PCDHGA10: variants seen among roughly 807,000 people sequenced by gnomAD.
The protein encoded by PCDHGA10 is protocadherin gamma subfamily A, 10.
PCDHGA10 carries 42 observed loss-of-function variants against 59.5 expected under a neutral mutation model. The ratio of observed to expected loss-of-function variants is 0.71; its 90% CI spans 0.55 to 0.91. The LOEUF (loss-of-function observed/expected upper bound fraction) is 0.91. Ranked by LOEUF, PCDHGA10 falls within the 40% of genes least tolerant of loss-of-function variation. PCDHGA10 has a pLI of 0.00. For missense variants in PCDHGA10, 1,111 were observed against 1,198.2 expected (o/e 0.93, Z 1.07); for synonymous variants, 511 against 517.2 (o/e 0.99, Z 0.16).
intron 1 of PCDHGA10, chr5:141,419,582 T>A (rs1474193256): frequency 6.2e-7 from 1 of 1,611,894 alleles, no homozygotes. Context: ...CTCCGCGCTC[T>A]TCGACACAGT....
At chr5:141,479,936 T>C (rs532302710) in intron 1 of PCDHGA10, among the ~76,000 whole-genome samples, 97 of 152,340 alleles carry the variant, frequency 6.4e-4, no homozygotes, top group African/African-American at 2.2e-3. Flanking sequence ...ATCATTGCTA[T>C]CAACTCTTGG....
chr5:141,477,901 C>T lies in PCDHGA10; in HGVS notation c.2437-16906C>T, dbSNP rs2099423750. ...GCCACCTAGTGTCACGGGTGGTAGG[C>T]TGGGACGCGGATGCAGGGCACAATG... On this transcript the variant is annotated intron_variant, in intron 1 of 3. Transcript: ENST00000398610. The surrounding 1 kb of genome is among the most constrained non-coding windows in gnomAD (Gnocchi z 4.9). The T allele has an allele frequency of 1.9e-6, 3 of 1,614,188 alleles. No homozygotes were observed. The highest frequency in any genetic ancestry group is 2.5e-6 in the Non-Finnish European group (3 of 1,180,042).
At chr5:141,426,919 C>A (rs1220443930) in intron 1 of PCDHGA10, 3 of 456,620 alleles carry the variant, frequency 6.6e-6, no homozygotes, top group African/African-American at 6.0e-5. Context: ...GTCCTGGAAG[C>A]AATGGACATG....
intron 1 of PCDHGA10, chr5:141,421,579 T>G (rs753573473): frequency 1.9e-6 from 3 of 1,613,816 alleles, no homozygotes; most frequent in Non-Finnish European, 2.5e-6. Context: ...CTTGAAGATT[T>G]ACGGAGTGGA....
chr5:141,414,466 G>A lies in PCDHGA10; in HGVS notation c.1291G>A (p.Gly431Arg). The change falls in exon 1 of 4, where the codon GGG (glycine) becomes AGG (arginine). Residue 431 changes from glycine to arginine, a missense_variant. Physicochemically the swap from Gly to Arg is moderately radical, Grantham distance 125. Transcript: ENST00000398610. ...CAATATCACAGTGACAGCCACAGATGGGGGAAGTCCTCCTCTATCAACGGA... is the reference window on the plus strand; with the variant it reads ...CAATATCACAGTGACAGCCACAGATAGGGGAAGTCCTCCTCTATCAACGGA... The part of the protein sequence containing the change: ...SYNITVTATD[G>R]GSPPLSTEAH... 1 of 1,613,872 alleles carries A rather than the reference G, an allele frequency of 6.2e-7. No homozygotes were observed. Among genetic ancestry groups the A allele is most frequent in the Non-Finnish European group, 8.5e-7 (1 of 1,179,866 alleles).
intron 1 of PCDHGA10, chr5:141,418,463 C>A (rs1046926260): frequency 1.2e-6 from 2 of 1,613,826 alleles, no homozygotes; most frequent in Non-Finnish European, 1.7e-6. Context: ...GACTCTGGAC[C>A]GAGAAACGCA....
intron 1 of PCDHGA10, among the ~76,000 whole-genome samples, chr5:141,467,051 T>G (rs988417775): frequency 6.6e-6 from 1 of 151,462 alleles, no homozygotes; most frequent in Non-Finnish European, 1.5e-5. Context: ...TGAATCAATG[T>G]TTTCTTTTTT....
chr5:141,419,333 A>G, intron 1 of PCDHGA10: 2 of 1,613,804 alleles, frequency 1.2e-6, no homozygotes, highest in South Asian at 1.1e-5. Context: ...CTACTCTCTC[A>G]TTGCCAGCGA....
At chr5:141,451,526 G>T (rs896029145) in intron 1 of PCDHGA10, among the ~76,000 whole-genome samples, 1 of 152,168 alleles carries the variant, frequency 6.6e-6, no homozygotes, top group African/African-American at 2.4e-5. Flanking sequence ...GCAAGTAAAG[G>T]AGAGTGCCAG....
intron 1 of PCDHGA10, chr5:141,422,819 TGAGA>T (rs766395950): frequency 6.2e-7 from 1 of 1,614,188 alleles, no homozygotes; most frequent in African/African-American, 1.3e-5. Flanking sequence ...GACTTAGAAC[TGAGA>T]GTGATAGCAC....
chr5:141,450,991 AT>A (rs1351194705), intron 1 of PCDHGA10, among the ~76,000 whole-genome samples: 2 of 150,700 alleles, frequency 1.3e-5, no homozygotes, highest in Non-Finnish European at 1.5e-5. Context: ...CACCCGGCTA[AT>A]TTTTTTGTAT....
Position 141,485,175 on chromosome 5 carries a change from T to C in PCDHGA10, c.2437-9632T>C, listed in dbSNP as rs2099608731. ...GTAGAGAATTAGCGGGCGGCAGCAA[T>C]GCTCCGCAAGGTGAGAAGCTGGACA... On this transcript the variant is annotated intron_variant, in intron 1 of 3. Coordinates refer to ENST00000398610, the MANE Select transcript of PCDHGA10 (RefSeq NM_018913.3). The surrounding 1 kb of genome is among the most constrained non-coding windows in gnomAD (Gnocchi z 5.7). 6.2e-7 allele frequency: 1 copy of C among 1,611,486 alleles called. No homozygotes were observed. Among genetic ancestry groups the C allele is most frequent in the Non-Finnish European group, 8.5e-7 (1 of 1,177,998 alleles).
intron 1 of PCDHGA10, among the ~76,000 whole-genome samples, chr5:141,446,280 A>G (rs1011084291): frequency 2.6e-5 from 4 of 152,162 alleles, no homozygotes; most frequent in South Asian, 2.1e-4. Context: ...AATACAATGG[A>G]TAAATGGGGA....
chr5:141,500,340 C>T (rs188966393), intron 2 of PCDHGA10, among the ~76,000 whole-genome samples: 1 of 151,950 alleles, frequency 6.6e-6, no homozygotes, highest in East Asian at 1.9e-4. Flanking sequence ...TCCAGAATAG[C>T]TGGGACTACA....
At chr5:141,444,473 G>C (rs943971075) in intron 1 of PCDHGA10, among the ~76,000 whole-genome samples, 6 of 151,972 alleles carry the variant, frequency 3.9e-5, no homozygotes, top group South Asian at 2.1e-4. Flanking sequence ...GCCCGGTCGC[G>C]TACTGGATTT....
Position 141,453,588 on chromosome 5 carries a change from CTG to C in PCDHGA10, c.2436+37981_2436+37982del, listed in dbSNP as rs572244169. ...TTCATTAGTTTGTGGTTTATCCTCA[CTG>C]TGTTTCTTTTTGCAAAACGCAAAAA... On this transcript the variant is annotated intron_variant, in intron 1 of 3. Coordinates refer to ENST00000398610, the MANE Select transcript of PCDHGA10 (RefSeq NM_018913.3). Among the ~76,000 whole-genome samples the C allele has an allele frequency of 5.9e-5, 9 of 152,296 alleles. No individual in the cohort carries two copies. In the South Asian group the frequency reaches 1.5e-3, roughly 25 times the overall value.
rs541533867 is a variant in PCDHGA10 at position 141,415,164 on chromosome 5, G to T, written c.1989G>T (p.Thr663=). 6.8e-6 allele frequency: 11 copies of T among 1,613,838 alleles called. No individual in the cohort carries two copies. The African/African-American group carries it at 1.3e-4, about 20-fold the overall frequency. ...HGQPPLSATV[T]LTVAVADSIP... Reference sequence around the variant, plus strand: ...AGCCCCCTCTCTCCGCCACTGTCACGCTCACCGTGGCCGTGGCCGACAGCA... The same window carrying T: ...AGCCCCCTCTCTCCGCCACTGTCACTCTCACCGTGGCCGTGGCCGACAGCA... Residue 663 remains threonine, a synonymous_variant, in exon 1 of 4, where the codon ACG becomes ACT. Transcript: ENST00000398610.
chr5:141,491,353 T>A lies in PCDHGA10; in HGVS notation c.2437-3454T>A. On this transcript the variant is annotated intron_variant, in intron 1 of 3. Coordinates refer to ENST00000398610, the MANE Select transcript of PCDHGA10 (RefSeq NM_018913.3). This position sits in a 1 kb window ranked among gnomAD's most constrained non-coding sequence, Gnocchi z 6.9. ...GGCTCTAGCGACCGTCAGTCTCTTATCCCTAGTCACCTTCACCTTTCTGTC... is the reference window on the plus strand; with the variant it reads ...GGCTCTAGCGACCGTCAGTCTCTTAACCCTAGTCACCTTCACCTTTCTGTC... The A allele has an allele frequency of 6.2e-7, 1 of 1,614,160 alleles. No homozygotes were observed. Among genetic ancestry groups the A allele is most frequent in the South Asian group, 1.1e-5 (1 of 91,080 alleles).
chr5:141,492,548 C>T (rs1028674110), intron 1 of PCDHGA10, among the ~76,000 whole-genome samples: 5 of 152,218 alleles, frequency 3.3e-5, no homozygotes, highest in African/African-American at 9.6e-5. Flanking sequence ...TGGGCCGGGT[C>T]GCCTGGGGGG....
Sources: gnomAD v4.1 joint callset for allele counts (sites outside exome capture counted in the v4.1 genomes callset) on GRCh38, gnomAD v4.1.1 for gene constraint, Gnocchi (gnomAD v3.1) non-coding constraint, MANE v1.5 for transcripts, NCBI Gene and HGNC (gene_info 2026-07-23, HGNC 2026-07-21) for gene names.